The following OR1A1 variants were observed in gnomAD, a reference collection of about 807,000 sequenced individuals.
The protein encoded by OR1A1 is olfactory receptor family 1 subfamily A member 1.
For synonymous variants in OR1A1, 145 were observed against 147.8 expected (o/e 0.98, Z 0.13); for missense variants, 391 against 379.9 (o/e 1.03, Z -0.24).
rs2048426443 is a variant in OR1A1, at chr17:3,208,954, T to C, written c.-183T>C. ...CCAAATCATCACAGAACATGTGAAA[T>C]AACAACAGAAGCTCATCATCTAGAT... On this transcript the variant is annotated 5_prime_UTR_variant, in exon 2 of 4. Transcript: ENST00000641732. The C allele has an allele frequency of 6.6e-6, 1 of 152,202 alleles. No homozygotes were observed. Among genetic ancestry groups the C allele is most frequent in the Non-Finnish European group, 1.5e-5 (1 of 68,038 alleles). The allele number at this position is 152,202 out of a possible 1,614,324, so 9.4% of individuals were successfully genotyped here.
At chr17:3,210,831 C>T (rs969198844) in intron 2 of OR1A1, among the ~76,000 whole-genome samples, 6 of 152,190 alleles carry the variant, frequency 3.9e-5, no homozygotes, top group African/African-American at 1.4e-4. Context: ...GTCTCCAACT[C>T]CTGGCCTCAG....
intron 2 of OR1A1, among the ~76,000 whole-genome samples, 157 bp downstream of exon 2, chr17:3,209,155 C>T (rs2048428241): frequency 6.6e-6 from 1 of 152,036 alleles, no homozygotes; most frequent in Admixed American, 6.6e-5. Flanking sequence ...TACACTGCAC[C>T]ATATATGTTG....
intron 1 of OR1A1, among the ~76,000 whole-genome samples, 186 bp from the exon 2 acceptor site, chr17:3,208,395 T>G (rs571994005): frequency 3.3e-5 from 5 of 152,246 alleles, no homozygotes; most frequent in African/African-American, 1.2e-4. Flanking sequence ...CAAAAGTGCA[T>G]TGTCTTAGAG....
At chr17:3,210,692 G>A (rs1319776949) in intron 2 of OR1A1, among the ~76,000 whole-genome samples, 4 of 151,886 alleles carry the variant, frequency 2.6e-5, no homozygotes, top group Admixed American at 2.0e-4. Flanking sequence ...TGCAACCTCC[G>A]CTTCCCGGGT....
Position 3,215,859 on chromosome 17 carries a change from A to C in OR1A1, c.239A>C (p.Lys80Thr), listed in dbSNP as rs764168923. Residue 80 changes from lysine to threonine, a missense_variant, in exon 4 of 4, where the codon AAG becomes ACG. Transcript: ENST00000641732. ...DIFFSSVTIP[K>T]MLANHLLGSK... ...TTCTTCTCATCGGTAACCATCCCTA[A>C]GATGCTGGCCAACCATCTCTTGGGC... 19 of 1,614,070 alleles carry C rather than the reference A, an allele frequency of 1.2e-5. No homozygotes were observed. In the African/African-American group the frequency reaches 2.4e-4, roughly 20 times the overall value.
At chr17:3,208,314 T>C (rs1251154956) in intron 1 of OR1A1, among the ~76,000 whole-genome samples, 7 of 152,126 alleles carry the variant, frequency 4.6e-5, no homozygotes, top group Admixed American at 2.6e-4. Flanking sequence ...TCTTTAGCTC[T>C]TTCTACCTCC....
At chr17:3,210,082 T>C (rs947727031) in intron 2 of OR1A1, among the ~76,000 whole-genome samples, 5 of 152,160 alleles carry the variant, frequency 3.3e-5, no homozygotes, top group African/African-American at 1.2e-4. Context: ...ACAATTTACT[T>C]ATCTATGCCT....
chr17:3,207,713 T>C lies in OR1A1; in HGVS notation c.-844T>C, dbSNP rs1325866474. ...TGTTGGGAAACTGGGGACTCCTCCT[T>C]CTAAACCATCCCATTCCTGTGTCCT... On this transcript the variant is annotated 5_prime_UTR_variant, in exon 1 of 4. Transcript: ENST00000641732. The C allele has an allele frequency of 6.6e-6, 1 of 152,246 alleles. No homozygotes were observed. Among genetic ancestry groups the C allele is most frequent in the Non-Finnish European group, 1.5e-5 (1 of 68,074 alleles). The allele number at this position is 152,246 out of a possible 1,614,324, so 9.4% of individuals were successfully genotyped here.
Position 3,216,646 on chromosome 17 carries a change from A to G in OR1A1, c.*96A>G. 1 of 919,836 alleles carries G rather than the reference A, an allele frequency of 1.1e-6. No homozygotes were observed. 57.0% of individuals were successfully genotyped at this position (919,836 alleles called of 1,614,324 possible). On this transcript the variant is annotated 3_prime_UTR_variant, in exon 4 of 4. Coordinates refer to ENST00000641732, the MANE Select transcript of OR1A1 (RefSeq NM_014565.3). ...ATCCTCCTACGAGAGGCAGTCTCTG[A>G]TCTTTCTAGCCTGAAATTCCTAATC...
intron 2 of OR1A1, among the ~76,000 whole-genome samples, chr17:3,212,047 T>C (rs2150596060): frequency 6.6e-6 from 1 of 152,368 alleles, no homozygotes; most frequent in South Asian, 2.1e-4. Context: ...GAAACATCAA[T>C]TCCCTTGGGT....
Position 3,218,774 on chromosome 17 carries a change from T to G in OR1A1, c.*2224T>G, listed in dbSNP as rs561666010. On this transcript the variant is annotated 3_prime_UTR_variant, in exon 4 of 4. Coordinates refer to ENST00000641732, the MANE Select transcript of OR1A1 (RefSeq NM_014565.3). ...TCACACACCAGGGCCTGTCAGCGGG[T>G]TGGGGGCAAGAGGAGGGATAGCATT... is the stretch of plus-strand genomic sequence containing the variant. 1.6e-4 allele frequency: 24 copies of G among 151,968 alleles called. No individual in the cohort carries two copies. The highest frequency in any genetic ancestry group is 5.8e-4 in the African/African-American group (24 of 41,440). The allele number at this position is 151,968 out of a possible 1,614,324, so 9.4% of individuals were successfully genotyped here. A position where few individuals can be genotyped will look rare whatever the true frequency, so the allele number is the denominator to read the frequency against.
intron 3 of OR1A1, chr17:3,212,908 TAG>T (rs2048449853): frequency 6.6e-6 from 1 of 152,024 alleles, no homozygotes; most frequent in South Asian, 2.1e-4. Flanking sequence ...GGTGAGGAGG[TAG>T]AGTCTGATTT....
chr17:3,216,042 G>C lies in OR1A1; in HGVS notation c.422G>C (p.Cys141Ser), dbSNP rs1165096773. Reference protein sequence around the residue: ...HYTTIMSPRSCIWLIAGSWVI... With the variant: ...HYTTIMSPRSSIWLIAGSWVI... ...ACAACAATTATGAGTCCACGGTCTT[G>C]TATCTGGCTTATTGCTGGGTCTTGG... The change falls in exon 4 of 4, where the codon TGT becomes TCT. Residue 141 changes from cysteine (C) to serine (S), a missense_variant. Coordinates refer to ENST00000641732, the MANE Select transcript of OR1A1 (RefSeq NM_014565.3). The C allele has an allele frequency of 1.9e-6, 3 of 1,614,054 alleles. No homozygotes were observed. The highest frequency in any genetic ancestry group is 1.7e-6 in the Non-Finnish European group (2 of 1,180,028).
chr17:3,215,756 G>A lies in OR1A1; in HGVS notation c.136G>A (p.Val46Ile), dbSNP rs372506808. 49 of 1,613,968 alleles carry A rather than the reference G, an allele frequency of 3.0e-5. No homozygotes were observed. Among genetic ancestry groups the A allele is most frequent in the African/African-American group, 1.7e-4 (13 of 74,962 alleles). Residue 46 changes from valine to isoleucine, a missense_variant, in exon 4 of 4, where the codon GTC (valine) becomes ATC (isoleucine). Physicochemically the swap from Val to Ile is conservative, Grantham distance 29 (BLOSUM62 3). Coordinates refer to ENST00000641732, the MANE Select transcript of OR1A1 (RefSeq NM_014565.3). The stretch of plus-strand genomic sequence containing the variant: ...CACATTGATTGGAAACCTGCTCATC[G>A]TCCTAGCCATTTGCTCTGATGTTCG... The part of the protein sequence containing the change: ...PITLIGNLLI[V>I]LAICSDVRLH...
At chr17:3,214,507 G>A (rs962048140) in intron 3 of OR1A1, 1 of 144,248 alleles carries the variant, frequency 6.9e-6, no homozygotes, top group African/African-American at 2.6e-5. Context: ...TGGGCAAGAT[G>A]CAGTGAGACT....
At chr17:3,214,284 A>ATT (rs2048456055) in intron 3 of OR1A1, 1 of 152,194 alleles carries the variant, frequency 6.6e-6, no homozygotes, top group Non-Finnish European at 1.5e-5. Flanking sequence ...GGATCACCTG[A>ATT]GGTCAGGAGT....
intron 2 of OR1A1, among the ~76,000 whole-genome samples, chr17:3,209,618 T>A (rs1397407841): frequency 6.6e-6 from 1 of 152,126 alleles, no homozygotes; most frequent in Non-Finnish European, 1.5e-5. Context: ...ATCCAATTTT[T>A]AAAAAATTAG....
intron 1 of OR1A1, 69 bp from the exon 2 acceptor site, chr17:3,208,512 G>A (rs2048423927): frequency 6.6e-6 from 1 of 152,182 alleles, no homozygotes. Context: ...AAAGTACTGA[G>A]AGATGCATCT....
Position 3,216,280 on chromosome 17 carries a change from C to T in OR1A1, c.660C>T (p.Val220=), listed in dbSNP as rs751535414. The part of the protein sequence containing the change: ...LLCIIVSYIR[V]FSTVFQVPST... ...GCATCATTGTCTCCTATATTCGAGT[C>T]TTCTCCACAGTCTTCCAGGTTCCTT... The change falls in exon 4 of 4, where the codon GTC becomes GTT. Residue 220 remains valine (V), a synonymous_variant. Transcript: ENST00000641732. 3.2e-5 allele frequency: 52 copies of T among 1,614,092 alleles called. 1 individual carries two copies. The South Asian group carries it at 5.7e-4, about 18-fold the overall frequency.
Sources: gnomAD v4.1 joint callset for allele counts (sites outside exome capture counted in the v4.1 genomes callset) on GRCh38, gnomAD v4.1.1 for gene constraint, MANE v1.5 for transcripts, NCBI Gene and HGNC (gene_info 2026-07-23, HGNC 2026-07-21) for gene names.